The following ZNF800 variants were observed in gnomAD, a reference collection of about 807,000 sequenced individuals.
The protein encoded by ZNF800 is zinc finger protein 800.
A neutral mutation model predicts 59.5 loss-of-function variants in ZNF800; 13 were observed. The observed-to-expected ratio is 0.22, with a 90% CI of 0.14 to 0.35. The LOEUF is 0.35. Among genes scored for constraint, ZNF800 ranks in the 10% least tolerant of loss-of-function variants. ZNF800 has a pLI of 1.00. For synonymous variants in ZNF800, 266 were observed against 265.7 expected (o/e 1.00, Z -0.01); for missense variants, 621 against 783.7 (o/e 0.79, Z 2.48).
rs1166702015 is a variant in ZNF800, at chr7:127,371,607, G to C, written c.*207C>G. 4.6e-6 allele frequency: 2 copies of C among 432,138 alleles called. No individual in the cohort carries two copies. Among genetic ancestry groups the C allele is most frequent in the Middle Eastern group, 5.9e-4 (1 of 1,694 alleles). 26.8% of individuals were successfully genotyped at this position (432,138 alleles called of 1,614,324 possible). A position where few individuals can be genotyped will look rare whatever the true frequency, so the allele number is the denominator to read the frequency against. On this transcript the variant is annotated 3_prime_UTR_variant, in exon 6 of 6. Transcript: ENST00000265827. ...ACAACATGTAATATCACAGCTACTTGAAAGTGCTGGAATAGGCAGTGCCTT... is the reference window on the plus strand; with the variant it reads ...ACAACATGTAATATCACAGCTACTTCAAAGTGCTGGAATAGGCAGTGCCTT...
At chr7:127,391,665 C>T (rs528201075) in intron 1 of ZNF800, 50 bp from the exon 2 acceptor site, 9 of 943,888 alleles carry the variant, frequency 9.5e-6, no homozygotes, top group Non-Finnish European at 1.5e-5. Flanking sequence ...TCCTGGGGGG[C>T]ACTGGCTGCA....
chr7:127,371,915 C>T, intron 5 of ZNF800, 101 bp from the exon 6 acceptor site: 1 of 610,784 alleles, frequency 1.6e-6, no homozygotes, highest in East Asian at 2.9e-5. Flanking sequence ...ATGGTTTCAT[C>T]TCAAGTTTTC....
downstream of ZNF800, among the ~76,000 whole-genome samples, chr7:127,369,160 C>T (rs1374790817): frequency 3.9e-5 from 6 of 152,044 alleles, no homozygotes; most frequent in East Asian, 3.9e-4. Context: ...GAGCAACCTA[C>T]GCCTGTTGTT....
chr7:127,345,558 C>A (rs1210676036), downstream of ZNF800, among the ~76,000 whole-genome samples: 2 of 152,006 alleles, frequency 1.3e-5, no homozygotes, highest in Non-Finnish European at 2.9e-5. Flanking sequence ...TTTCCTAGGC[C>A]CCTGAGGTGC....
At chr7:127,344,880 A>G (rs1800029163), downstream of ZNF800, among the ~76,000 whole-genome samples, 1 of 152,152 alleles carries the variant, frequency 6.6e-6, no homozygotes, top group Admixed American at 6.5e-5. Context: ...GAAAAAATGA[A>G]ATAAAAAATA....
downstream of ZNF800, among the ~76,000 whole-genome samples, chr7:127,366,335 G>C (rs1303577908): frequency 6.6e-6 from 1 of 152,124 alleles, no homozygotes; most frequent in Non-Finnish European, 1.5e-5. Flanking sequence ...ACAATACTTT[G>C]AGGATTCACT....
chr7:127,392,355 C>T lies in ZNF800; in HGVS notation c.-354G>A. On this transcript the variant is annotated 5_prime_UTR_variant, in exon 1 of 6. Transcript: ENST00000265827. Reference sequence around the variant, plus strand: ...GAGGCGCGCGGGCGGAGGCAGTTGACAGGAGGAACCGCCCGGCAGCAGCTG... The same window carrying T: ...GAGGCGCGCGGGCGGAGGCAGTTGATAGGAGGAACCGCCCGGCAGCAGCTG... 1 of 382,740 alleles carries T rather than the reference C, an allele frequency of 2.6e-6. No homozygotes were observed. 23.7% of individuals were successfully genotyped at this position (382,740 alleles called of 1,614,324 possible).
chr7:127,359,494 T>G (rs1318978325), intron 1 of ZNF800, among the ~76,000 whole-genome samples: 1 of 152,138 alleles, frequency 6.6e-6, no homozygotes, highest in Non-Finnish European at 1.5e-5. Flanking sequence ...ATTAAAGTTA[T>G]TTTTAAAATA....
intron 1 of ZNF800, chr7:127,349,904 C>T (rs1800139190): frequency 6.6e-6 from 1 of 152,210 alleles, no homozygotes; most frequent in Non-Finnish European, 1.5e-5. Context: ...TTCAATTTAA[C>T]TCAACATTTT....
chr7:127,379,547 A>G (rs539151463), intron 3 of ZNF800, among the ~76,000 whole-genome samples: 36 of 152,298 alleles, frequency 2.4e-4, no homozygotes, highest in Non-Finnish European at 3.8e-4. Context: ...GCAGATTTAA[A>G]GCATAAAATA....
chr7:127,357,742 T>C (rs1303940429), intron 1 of ZNF800, among the ~76,000 whole-genome samples: 1 of 152,074 alleles, frequency 6.6e-6, no homozygotes, highest in Non-Finnish European at 1.5e-5. Context: ...AACACATAAA[T>C]TAATTCATAT....
chr7:127,364,787 G>A (rs369073734), intron 1 of ZNF800: 1 of 152,192 alleles, frequency 6.6e-6, no homozygotes, highest in African/African-American at 2.4e-5. Flanking sequence ...ATAAAAAATA[G>A]TCCTGATGTG....
At chr7:127,349,435 T>C (rs953194157) in intron 1 of ZNF800, among the ~76,000 whole-genome samples, 7 of 152,204 alleles carry the variant, frequency 4.6e-5, no homozygotes, top group Admixed American at 6.5e-5. Context: ...ATTAGATTGA[T>C]AGAAGATCCT....
At position 127,374,042 on chromosome 7, in the gene ZNF800, T is replaced by G; in HGVS notation, c.1294A>C (p.Lys432Gln). ...SITHSPQNEL[K>Q]GTNHSNEKKN... Reference sequence around the variant, plus strand: ...TTTTCATTTGAATGATTTGTTCCCTTTAATTCATTCTGTGGAGAATGGGTA... The same window carrying G: ...TTTTCATTTGAATGATTTGTTCCCTGTAATTCATTCTGTGGAGAATGGGTA... Residue 432 changes from lysine (K) to glutamine (Q), a missense_variant, in exon 5 of 6, where the codon AAG (lysine) becomes CAG (glutamine). Physicochemically the swap from Lys to Gln is moderately conservative, Grantham distance 53 (BLOSUM62 1). Transcript: ENST00000265827. 6.2e-7 allele frequency: 1 copy of G among 1,614,110 alleles called. No homozygotes were observed. Among genetic ancestry groups the G allele is most frequent in the Non-Finnish European group, 8.5e-7 (1 of 1,180,012 alleles).
chr7:127,349,063 T>C (rs953309030), intron 1 of ZNF800, among the ~76,000 whole-genome samples: 6 of 151,612 alleles, frequency 4.0e-5, no homozygotes, highest in Non-Finnish European at 7.4e-5. Flanking sequence ...ATTTCCACTT[T>C]AGAAAAAAAA....
In ZNF800 at chr7:127,362,946, A is replaced by G. The variant is rs576821742; in HGVS notation, n.224+10396T>C. On this transcript the variant is annotated intron_variant and non_coding_transcript_variant, in intron 1 of 1. Coordinates refer to the ZNF800 transcript ENST00000485577. The stretch of plus-strand genomic sequence containing the variant: ...AAGGTAAGTGATAACAAAACTACTA[A>G]AAGTGGAGATGGGAAGGGGAAGCAA... 3 of 152,290 alleles carry G rather than the reference A, an allele frequency of 2.0e-5. No homozygotes were observed. The East Asian group carries it at 5.8e-4, about 29-fold the overall frequency. 9.4% of individuals were successfully genotyped at this position (152,290 alleles called of 1,614,324 possible). A position where few individuals can be genotyped will look rare whatever the true frequency, so the allele number is the denominator to read the frequency against.
At chr7:127,386,678 A>G (rs1401859409) in intron 2 of ZNF800, among the ~76,000 whole-genome samples, 1 of 152,246 alleles carries the variant, frequency 6.6e-6, no homozygotes, top group Non-Finnish European at 1.5e-5. Context: ...TGTTCACTGT[A>G]GTGCTCTGCA....
intron 5 of ZNF800, chr7:127,373,042 A>G: frequency 4.1e-6 from 4 of 985,204 alleles, no homozygotes; most frequent in Middle Eastern, 5.2e-4. Flanking sequence ...ATAAGCCAAT[A>G]TAAATGTATA....
rs1801307260 is a variant in ZNF800 at position 127,391,377 on chromosome 7, G to A, written c.61+120C>T. On this transcript the variant is annotated intron_variant, in intron 2 of 5. Coordinates refer to ENST00000265827, the MANE Select transcript of ZNF800 (RefSeq NM_176814.5). ...TAGCTTCATAACTGGCTTATGCTAGGGAATATCATAGCCTGCTTAAGAATG... is the reference window on the plus strand; with the variant it reads ...TAGCTTCATAACTGGCTTATGCTAGAGAATATCATAGCCTGCTTAAGAATG... The A allele has an allele frequency of 1.1e-5, 11 of 962,952 alleles. No individual in the cohort carries two copies. In the Middle Eastern group the frequency reaches 1.9e-3, roughly 166 times the overall value. The allele number at this position is 962,952 out of a possible 1,614,324, so 59.7% of individuals were successfully genotyped here.
Sources: allele counts gnomAD v4.1 joint callset (sites outside exome capture counted in the v4.1 genomes callset), GRCh38; gene constraint gnomAD v4.1.1; transcripts MANE v1.5; gene names NCBI Gene and HGNC (gene_info 2026-07-23, HGNC 2026-07-21).